LIX1: variants seen among roughly 807,000 people sequenced by gnomAD.
LIX1 encodes protein limb expression 1 homolog.
Under a neutral mutation model 33.4 loss-of-function variants are expected in LIX1, and 24 were observed. The observed-to-expected ratio is 0.72, with a 90% CI of 0.52 to 1.01. The LOEUF (loss-of-function observed/expected upper bound fraction) is 1.01, where lower values mean the gene tolerates loss of function less well. Among genes scored for constraint, LIX1 ranks in the 50% least tolerant of loss-of-function variants. LIX1 has a pLI of 0.00. For missense variants in LIX1, 311 were observed against 339.2 expected (o/e 0.92, Z 0.65); for synonymous variants, 124 against 124.0 (o/e 1.00, Z 0.00).
At chr5:97,135,748 G>A (rs575976033) in intron 1 of LIX1, among the ~76,000 whole-genome samples, 53 of 152,194 alleles carry the variant, frequency 3.5e-4, no homozygotes, top group African/African-American at 9.9e-4. Context: ...GAACCCAGGA[G>A]GCAGAGGTTA....
intron 1 of LIX1, among the ~76,000 whole-genome samples, chr5:97,141,960 A>G (rs899146456): frequency 2.6e-5 from 4 of 152,188 alleles, no homozygotes; most frequent in African/African-American, 9.6e-5. Flanking sequence ...TGAGGTTAGG[A>G]GGCATCTCAT....
At chr5:97,102,707 G>A (rs1418629890) in intron 4 of LIX1, among the ~76,000 whole-genome samples, 1 of 151,274 alleles carries the variant, frequency 6.6e-6, no homozygotes, top group East Asian at 1.9e-4. Context: ...GCCTTTCATA[G>A]TACTTGGAAG....
chr5:97,105,329 C>T, intron 3 of LIX1, 44 bp from the exon 4 acceptor site: 2 of 1,514,800 alleles, frequency 1.3e-6, no homozygotes, highest in South Asian at 1.1e-5. Flanking sequence ...GATTTTTCCT[C>T]CTCTTCTTTG....
intron 1 of LIX1, among the ~76,000 whole-genome samples, chr5:97,129,555 G>GA (rs924144557): frequency 7.9e-4 from 116 of 146,690 alleles, no homozygotes; most frequent in Non-Finnish European, 1.4e-3. Context: ...TCCTACAAAG[G>GA]AAAAAAAAAA....
At chr5:97,108,640 T>C (rs1040416347) in intron 2 of LIX1, among the ~76,000 whole-genome samples, 6 of 151,994 alleles carry the variant, frequency 3.9e-5, no homozygotes, top group African/African-American at 1.5e-4. Context: ...CAGGGATAAG[T>C]GTCTAGGATC....
intron 1 of LIX1, among the ~76,000 whole-genome samples, chr5:97,130,038 C>T (rs1050270496): frequency 7.2e-5 from 11 of 152,214 alleles, no homozygotes; most frequent in African/African-American, 2.4e-4. Flanking sequence ...TCCATGTGCA[C>T]GTAAACCAAT....
intron 1 of LIX1, among the ~76,000 whole-genome samples, chr5:97,135,265 A>G (rs1177504927): frequency 7.9e-5 from 12 of 152,254 alleles, no homozygotes; most frequent in Admixed American, 7.9e-4. Flanking sequence ...AGCACAGGGT[A>G]ATTTTTTAAG....
chr5:97,136,295 A>G (rs2112799478), intron 1 of LIX1, among the ~76,000 whole-genome samples: 1 of 152,310 alleles, frequency 6.6e-6, no homozygotes, highest in South Asian at 2.1e-4. Flanking sequence ...TCATCTGGCT[A>G]TCAACTTAAC....
rs1746180598 is a variant in LIX1 at position 97,093,525 on chromosome 5, T to A, written c.*1223A>T. The A allele has an allele frequency of 6.7e-6, 1 of 149,296 alleles. No individual in the cohort carries two copies. Among genetic ancestry groups the A allele is most frequent in the Non-Finnish European group, 1.5e-5 (1 of 67,728 alleles). The allele number at this position is 149,296 out of a possible 1,614,324, so 9.2% of individuals were successfully genotyped here. ...GGCCAGGCATGGTGGCTCACACCTG[T>A]AATCTCAGCATTTTGGGAGGTGGAG... On this transcript the variant is annotated 3_prime_UTR_variant, in exon 6 of 6. Transcript: ENST00000274382.
At chr5:97,116,236 A>G (rs1032482852) in intron 2 of LIX1, among the ~76,000 whole-genome samples, 1 of 152,134 alleles carries the variant, frequency 6.6e-6, no homozygotes, top group Non-Finnish European at 1.5e-5. Flanking sequence ...AAGCATGAAC[A>G]TTTGCATGTG....
intron 2 of LIX1, among the ~76,000 whole-genome samples, chr5:97,117,448 G>A (rs927665583): frequency 5.3e-5 from 8 of 152,168 alleles, no homozygotes; most frequent in African/African-American, 1.9e-4. Flanking sequence ...TCAGCAAAAA[G>A]AGCATTACAA....
chr5:97,117,163 G>A (rs535481410), intron 2 of LIX1, among the ~76,000 whole-genome samples: 12 of 152,270 alleles, frequency 7.9e-5, no homozygotes, highest in South Asian at 4.1e-4. Flanking sequence ...TAACCTTCCC[G>A]TCTTTGAGTC....
intron 1 of LIX1, among the ~76,000 whole-genome samples, chr5:97,142,108 T>C (rs1748303322): frequency 6.6e-6 from 1 of 152,256 alleles, no homozygotes; most frequent in Non-Finnish European, 1.5e-5. Flanking sequence ...TAATATGTGT[T>C]GTGGAGTATT....
chr5:97,142,360 A>G, intron 1 of LIX1, 135 bp downstream of exon 1: 1 of 625,250 alleles, frequency 1.6e-6, no homozygotes, highest in Middle Eastern at 4.0e-4. Context: ...GAAGTCAGGA[A>G]CAAGTTAAAA....
At position 97,095,027 on chromosome 5, in the gene LIX1, G is replaced by A; in HGVS notation, c.570C>T (p.Ile190=). 1 of 1,612,816 alleles carries A rather than the reference G, an allele frequency of 6.2e-7. No individual in the cohort carries two copies. Among genetic ancestry groups the A allele is most frequent in the Non-Finnish European group, 8.5e-7 (1 of 1,179,030 alleles). The change falls in exon 6 of 6, where the codon ATC becomes ATT. Residue 190 remains isoleucine, a synonymous_variant. Coordinates refer to ENST00000274382, the MANE Select transcript of LIX1 (RefSeq NM_153234.5). ...RETKCSRQEV[I]SYYSQYSLDE... ...CTAGAGAATACTGAGAATAGTAGGA[G>A]ATGACTTCCTGGGGGCCAAGAAACA...
At chr5:97,130,543 T>G (rs936535110) in intron 1 of LIX1, among the ~76,000 whole-genome samples, 2 of 152,168 alleles carry the variant, frequency 1.3e-5, no homozygotes, top group African/African-American at 4.8e-5. Context: ...GACACTGAAT[T>G]AAGGATGAGC....
At chr5:97,130,248 C>G (rs1156723032) in intron 1 of LIX1, among the ~76,000 whole-genome samples, 1 of 152,248 alleles carries the variant, frequency 6.6e-6, no homozygotes, top group East Asian at 1.9e-4. Context: ...GAGAAATGAG[C>G]CTTCTGGCAA....
At chr5:97,097,466 T>C (rs995393466) in intron 4 of LIX1, among the ~76,000 whole-genome samples, 1 of 152,222 alleles carries the variant, frequency 6.6e-6, no homozygotes, top group Non-Finnish European at 1.5e-5. Flanking sequence ...GATCGCTATA[T>C]ACATGTTTGC....
chr5:97,121,753 G>A (rs1747789880), intron 2 of LIX1, among the ~76,000 whole-genome samples: 1 of 152,046 alleles, frequency 6.6e-6, no homozygotes, highest in African/African-American at 2.4e-5. Context: ...TTATGCATTT[G>A]GTTTTCCTTA....
Sources: gnomAD v4.1 joint callset for allele counts (sites outside exome capture counted in the v4.1 genomes callset) on GRCh38, gnomAD v4.1.1 for gene constraint, MANE v1.5 for transcripts, NCBI Gene and HGNC (gene_info 2026-07-23, HGNC 2026-07-21) for gene names.